Variants in SORL1-AS1 observed in about 807,000 individuals in gnomAD.
SORL1-AS1 encodes the protein SORL1 antisense RNA 1.
exon 2 of SORL1-AS1, chr11:121,447,766 G>A (rs892804586): frequency 2.6e-5 from 4 of 152,104 alleles, no homozygotes. Context: ...GTCCCAATCA[G>A]GGCGTGAGGG....
intron 1 of SORL1-AS1, among the ~76,000 whole-genome samples, chr11:121,451,922 A>G (rs1422095248): frequency 1.3e-5 from 2 of 152,130 alleles, no homozygotes; most frequent in Non-Finnish European, 2.9e-5. Context: ...ACGACCCTGT[A>G]TAGGACGCAA....
Position 121,452,605 on chromosome 11 carries a change from G to A in SORL1-AS1, n.339+70C>T. ...TGCCCTGCAGCCCGAGCCCATCAAG[G>A]TGTACGGACAGGTGAGCAGTTTTGC... On this transcript the variant is annotated intron_variant and non_coding_transcript_variant, in intron 1 of 1. Coordinates refer to ENST00000501964, the Ensembl canonical transcript of SORL1-AS1. The surrounding 1 kb of genome is among the most constrained non-coding windows in gnomAD (Gnocchi z 5.3). 3 of 1,507,528 alleles carry A rather than the reference G, an allele frequency of 2.0e-6. No individual in the cohort carries two copies. The highest frequency in any genetic ancestry group is 1.8e-6 in the Non-Finnish European group (2 of 1,134,948). The allele number at this position is 1,507,528 out of a possible 1,614,324, so 93.4% of individuals were successfully genotyped here. A position where few individuals can be genotyped will look rare whatever the true frequency, so the allele number is the denominator to read the frequency against.
rs1450664614 is a variant in SORL1-AS1 at position 121,452,855 on chromosome 11, AC to A, written n.158del. On this transcript the variant is annotated non_coding_transcript_exon_variant, in exon 1 of 2. Coordinates refer to ENST00000501964, the Ensembl canonical transcript of SORL1-AS1. This position sits in a 1 kb window ranked among gnomAD's most constrained non-coding sequence, Gnocchi z 5.3. ...TAACTCGCCGGGTGCAGTGCGTATT[AC>A]CCCAGGGTGTGTGCAGAGAGATGTA... 4.4e-6 allele frequency: 2 copies of A among 456,474 alleles called. No homozygotes were observed. The highest frequency in any genetic ancestry group is 7.7e-6 in the Non-Finnish European group (2 of 260,122). The allele number at this position is 456,474 out of a possible 1,614,324, so 28.3% of individuals were successfully genotyped here.
chr11:121,445,876 G>T (rs769843277), downstream of SORL1-AS1, among the ~76,000 whole-genome samples: 2 of 152,020 alleles, frequency 1.3e-5, no homozygotes, highest in Non-Finnish European at 2.9e-5. Flanking sequence ...TCCTTTATAG[G>T]CATTTGAACC....
At chr11:121,441,137 A>G in the SORL1-AS1 span, among the ~76,000 whole-genome samples, 3 of 152,226 alleles carry the variant, frequency 2.0e-5, no homozygotes, top group African/African-American at 7.2e-5. Flanking sequence ...CTGATTTTGG[A>G]AATAACTATT....
Position 121,452,394 on chromosome 11 carries a change from G to C in SORL1-AS1, n.339+281C>G. ...CGTTCCTATTCACCCTGGTCGCACT[G>C]CTGCCGCCCGGAGCTCTCTGCGAAG... On this transcript the variant is annotated intron_variant and non_coding_transcript_variant, in intron 1 of 1. Coordinates refer to ENST00000501964, the Ensembl canonical transcript of SORL1-AS1. The surrounding 1 kb of genome is among the most constrained non-coding windows in gnomAD (Gnocchi z 5.3). The C allele has an allele frequency of 1.9e-6, 3 of 1,539,348 alleles. No homozygotes were observed. Among genetic ancestry groups the C allele is most frequent in the Non-Finnish European group, 1.7e-6 (2 of 1,146,920 alleles).
chr11:121,441,341 G>C, the SORL1-AS1 span, among the ~76,000 whole-genome samples: 2 of 150,360 alleles, frequency 1.3e-5, no homozygotes, highest in Non-Finnish European at 3.0e-5. Flanking sequence ...GGCTAACACG[G>C]TGAAACCCCA....
In SORL1-AS1 at chr11:121,452,487, G is replaced by T; in HGVS notation, n.339+188C>A. The T allele has an allele frequency of 6.7e-7, 1 of 1,491,286 alleles. No individual in the cohort carries two copies. Among genetic ancestry groups the T allele is most frequent in the Non-Finnish European group, 8.9e-7 (1 of 1,122,698 alleles). The allele number at this position is 1,491,286 out of a possible 1,614,324, so 92.4% of individuals were successfully genotyped here. ...AGGACCGGGGCTTCCTCGTGGTGCA[G>T]GGCGACCCGCGCGAGCTGCGGCTGT... is the stretch of plus-strand genomic sequence containing the variant. On this transcript the variant is annotated intron_variant and non_coding_transcript_variant, in intron 1 of 1. Transcript: ENST00000501964. The surrounding 1 kb of genome is among the most constrained non-coding windows in gnomAD (Gnocchi z 5.3).
Position 121,452,009 on chromosome 11 carries a change from G to T in SORL1-AS1, n.339+666C>A, listed in dbSNP as rs1860800366. Among the ~76,000 whole-genome samples the T allele has an allele frequency of 6.6e-6, 1 of 152,144 alleles. No homozygotes were observed. Among genetic ancestry groups the T allele is most frequent in the African/African-American group, 2.4e-5 (1 of 41,440 alleles). On this transcript the variant is annotated intron_variant and non_coding_transcript_variant, in intron 1 of 1. Coordinates refer to ENST00000501964, the Ensembl canonical transcript of SORL1-AS1. This position sits in a 1 kb window ranked among gnomAD's most constrained non-coding sequence, Gnocchi z 5.3. The stretch of plus-strand genomic sequence containing the variant: ...GAGAACAAGGAGGTGTGCCCGCCAG[G>T]GAAGGGACGCACCCCCACCGGCGCT...
intron 1 of SORL1-AS1, among the ~76,000 whole-genome samples, chr11:121,451,836 C>CG (rs1215518487): frequency 2.6e-5 from 4 of 151,948 alleles, no homozygotes; most frequent in Non-Finnish European, 5.9e-5. Context: ...AGGCCGGGGC[C>CG]GGGGGGAGGT....
the SORL1-AS1 span, among the ~76,000 whole-genome samples, chr11:121,440,386 T>TAAAC: frequency 4.6e-5 from 7 of 151,866 alleles, no homozygotes; most frequent in Non-Finnish European, 7.4e-5. Context: ...AATAAATAAA[T>TAAAC]AAACAAACAA....
intron 1 of SORL1-AS1, among the ~76,000 whole-genome samples, chr11:121,451,510 C>T (rs1371388701): frequency 2.6e-5 from 4 of 152,320 alleles, no homozygotes; most frequent in African/African-American, 9.6e-5. Context: ...CCCTGTGCCA[C>T]GCACAGGTAT....
At chr11:121,446,090 A>C (rs1304150323), downstream of SORL1-AS1, among the ~76,000 whole-genome samples, 3 of 152,178 alleles carry the variant, frequency 2.0e-5, no homozygotes, top group Non-Finnish European at 4.4e-5. Context: ...CCAACTGCCG[A>C]AGGGTGTGAG....
chr11:121,442,354 G>A (rs1860665347), downstream of SORL1-AS1, among the ~76,000 whole-genome samples: 1 of 152,172 alleles, frequency 6.6e-6, no homozygotes, highest in African/African-American at 2.4e-5. Flanking sequence ...CTCAATTGGG[G>A]CTGGGCGAAG....
In SORL1-AS1 at chr11:121,452,307, C is replaced by T; in HGVS notation, n.339+368G>A. 1 of 1,482,770 alleles carries T rather than the reference C, an allele frequency of 6.7e-7. No homozygotes were observed. The highest frequency in any genetic ancestry group is 9.0e-7 in the Non-Finnish European group (1 of 1,116,622). 91.9% of individuals were successfully genotyped at this position (1,482,770 alleles called of 1,614,324 possible). ...GCACATTCTCTCCTGGCGGCGGCGC[C>T]ACCTGCAGTAGCGTTCGCCCGAACA... On this transcript the variant is annotated intron_variant and non_coding_transcript_variant, in intron 1 of 1. Transcript: ENST00000501964. This position sits in a 1 kb window ranked among gnomAD's most constrained non-coding sequence, Gnocchi z 5.3.
the SORL1-AS1 span, among the ~76,000 whole-genome samples, chr11:121,439,073 A>G: frequency 2.6e-5 from 4 of 152,256 alleles, no homozygotes; most frequent in East Asian, 7.7e-4. Flanking sequence ...TTCTTATCCA[A>G]CTTTTTTTGT....
At chr11:121,448,863 G>A (rs1473932002) in exon 2 of SORL1-AS1, 10 of 152,208 alleles carry the variant, frequency 6.6e-5, no homozygotes, top group Admixed American at 6.5e-4. Context: ...GAGCCTTAGA[G>A]TGAGGGCTGT....
chr11:121,439,320 C>T, the SORL1-AS1 span, among the ~76,000 whole-genome samples: 64 of 152,120 alleles, frequency 4.2e-4, no homozygotes, highest in African/African-American at 1.4e-3. Flanking sequence ...ACTTCCCTGA[C>T]GACCAACAAC....
exon 2 of SORL1-AS1, chr11:121,449,344 G>T (rs1040859669): frequency 2.6e-5 from 4 of 152,230 alleles, no homozygotes; most frequent in African/African-American, 4.8e-5. Flanking sequence ...CAGAGGGATA[G>T]AGGAAGTGGT....
Sources: gnomAD v4.1 joint callset for allele counts (sites outside exome capture counted in the v4.1 genomes callset) on GRCh38, gnomAD v4.1.1 for gene constraint, Gnocchi (gnomAD v3.1) non-coding constraint, MANE v1.5 for transcripts, NCBI Gene and HGNC (gene_info 2026-07-23, HGNC 2026-07-21) for gene names.